CRLS1: variants seen among roughly 807,000 people sequenced by gnomAD.
CRLS1 encodes cardiolipin synthase (CMP-forming).
A neutral mutation model predicts 37.0 loss-of-function variants in CRLS1; 24 were observed. That is an observed-to-expected ratio of 0.65 (90% CI 0.47 to 0.91). The LOEUF is 0.91. Ranked by LOEUF, CRLS1 falls within the 40% of genes least tolerant of loss-of-function variation. CRLS1 has a pLI of 0.00. For synonymous variants in CRLS1, 135 were observed against 159.7 expected (o/e 0.85, Z 1.17); for missense variants, 373 against 395.8 (o/e 0.94, Z 0.49).
upstream of CRLS1, chr20:6,006,103 T>C (rs2257015): frequency 0.99 from 390,237 of 395,724 alleles, 192,420 homozygotes; most frequent in East Asian, 1. Context: ...ATAAGTGGAG[T>C]GTGCTGGGGT....
At chr20:6,033,485 C>A (rs530265825) in intron 5 of CRLS1, among the ~76,000 whole-genome samples, 20 of 152,170 alleles carry the variant, frequency 1.3e-4, no homozygotes, top group African/African-American at 4.6e-4. Context: ...GGCTGCAGAA[C>A]GGGTGATAGA....
chr20:6,037,054 TTTC>T lies in CRLS1; in HGVS notation c.822-17_822-15del. ...TTTTAGACTTGACAACTACATTTTA[TTTC>T]TTTTCTTCCATAAAAGGTGTTTTAC... On this transcript the variant is annotated splice_polypyrimidine_tract_variant and intron_variant, in intron 6 of 6. Transcript: ENST00000378863. 1 of 1,578,874 alleles carries T rather than the reference TTTC, an allele frequency of 6.3e-7. No individual in the cohort carries two copies. The highest frequency in any genetic ancestry group is 8.7e-7 in the Non-Finnish European group (1 of 1,150,866).
intron 3 of CRLS1, among the ~76,000 whole-genome samples, chr20:6,029,533 AT>A (rs768902979): frequency 2.0e-5 from 3 of 151,848 alleles, no homozygotes; most frequent in Non-Finnish European, 4.4e-5. Flanking sequence ...CTAATTTTGT[AT>A]TTTTAGTAGA....
intron 3 of CRLS1, among the ~76,000 whole-genome samples, chr20:6,016,265 ATTGACAC>A (rs1978743518): frequency 6.6e-6 from 1 of 152,180 alleles, no homozygotes; most frequent in Non-Finnish European, 1.5e-5. Flanking sequence ...TCATGTTATT[ATTGACAC>A]TTGGTAGAAA....
chr20:6,034,286 C>G (rs772670785), intron 5 of CRLS1, among the ~76,000 whole-genome samples, 178 bp from the exon 6 acceptor site: 1 of 152,026 alleles, frequency 6.6e-6, no homozygotes, highest in Admixed American at 6.5e-5. Context: ...TGAAGCTGAC[C>G]CTTTTGTGTG....
chr20:6,012,533 C>T (rs2122929222), intron 2 of CRLS1, among the ~76,000 whole-genome samples: 1 of 151,950 alleles, frequency 6.6e-6, no homozygotes, highest in East Asian at 1.9e-4. Flanking sequence ...TAGGGACTTA[C>T]TTTAAAAAAA....
chr20:6,009,322 CAAAAAAAAAAA>C (rs60724010), intron 1 of CRLS1, among the ~76,000 whole-genome samples: 93,255 of 138,044 alleles, frequency 0.68, 29,146 homozygotes, highest in Middle Eastern at 0.83. Flanking sequence ...GACTCCATCT[CAAAAAAAAAAA>C]AAAAAAAAGA....
At chr20:6,011,562 T>C (rs1361089462) in intron 2 of CRLS1, among the ~76,000 whole-genome samples, 1 of 147,208 alleles carries the variant, frequency 6.8e-6, no homozygotes, top group African/African-American at 2.5e-5. Flanking sequence ...CTCCTTTTCT[T>C]TTGTCCCTGC....
chr20:6,037,008 A>T, intron 6 of CRLS1, 66 bp from the exon 7 acceptor site: 2 of 1,110,024 alleles, frequency 1.8e-6, no homozygotes, highest in East Asian at 4.8e-5. Context: ...TGTATTCATT[A>T]TGATTCCCGT....
Position 6,036,292 on chromosome 20 carries a change from G to A in CRLS1, c.822-782G>A, listed in dbSNP as rs761152442. 4.5e-4 allele frequency among the ~76,000 whole-genome samples: 68 copies of A among 152,178 alleles called. 1 individual carries two copies. The highest frequency in any genetic ancestry group is 6.9e-4 in the Non-Finnish European group (47 of 68,044). On this transcript the variant is annotated intron_variant, in intron 6 of 6. Transcript: ENST00000378863. Reference sequence around the variant, plus strand: ...TAACACATATATTTCATTGGTTTATGTATGAATTTAGAATATCAAAGTGGC... The same window carrying A: ...TAACACATATATTTCATTGGTTTATATATGAATTTAGAATATCAAAGTGGC...
At chr20:6,019,138 G>T (rs1190912867) in intron 3 of CRLS1, among the ~76,000 whole-genome samples, 1 of 152,172 alleles carries the variant, frequency 6.6e-6, no homozygotes, top group South Asian at 2.1e-4. Flanking sequence ...ATCTGTTAAA[G>T]CCGTTGAGGC....
chr20:6,009,493 C>G (rs1336501734), intron 1 of CRLS1, among the ~76,000 whole-genome samples: 1 of 151,944 alleles, frequency 6.6e-6, no homozygotes, highest in Non-Finnish European at 1.5e-5. Context: ...TCTCTAATTC[C>G]TGGGCTTAAG....
rs1327861152 is a variant in CRLS1 at position 6,015,444 on chromosome 20, T to C, written c.528T>C (p.Leu176=). Residue 176 remains leucine (L), a synonymous_variant, in exon 3 of 7, where the codon CTT becomes CTC. Coordinates refer to ENST00000378863, the MANE Select transcript of CRLS1 (RefSeq NM_019095.6). ...TTGATCCACTTGCTGATAAAATACT[T>C]ATCAGTATCTTATATGTTAGCTTGA... is the stretch of plus-strand genomic sequence containing the variant. ...SALDPLADKI[L]ISILYVSLTY... The C allele has an allele frequency of 2.2e-5, 35 of 1,610,222 alleles. No homozygotes were observed. The highest frequency in any genetic ancestry group is 6.7e-5 in the East Asian group (3 of 44,824).
chr20:6,008,908 T>C (rs1282755714), intron 1 of CRLS1, among the ~76,000 whole-genome samples: 1 of 152,222 alleles, frequency 6.6e-6, no homozygotes, highest in African/African-American at 2.4e-5. Context: ...TACAAGATCT[T>C]CCTGAAGTTT....
At chr20:6,026,440 A>G (rs1469558412) in intron 3 of CRLS1, among the ~76,000 whole-genome samples, 2 of 151,962 alleles carry the variant, frequency 1.3e-5, no homozygotes, top group African/African-American at 4.8e-5. Flanking sequence ...AATTCGTGCA[A>G]CTCACTTTAC....
Position 6,019,547 on chromosome 20 carries a change from G to A in CRLS1, c.574+4057G>A, listed in dbSNP as rs900749094. Among the ~76,000 whole-genome samples the A allele has an allele frequency of 5.1e-5, 7 of 136,346 alleles. No homozygotes were observed. In the East Asian group the frequency reaches 6.2e-4, roughly 12 times the overall value. The allele number at this position is 136,346 out of a possible 152,430, so 89.4% of individuals were successfully genotyped here. On this transcript the variant is annotated intron_variant, in intron 3 of 6. Coordinates refer to ENST00000378863, the MANE Select transcript of CRLS1 (RefSeq NM_019095.6). Reference sequence around the variant, plus strand: ...TTTTTTTTTCATCTTTTTTGCCAGAGGTTTGTCAGTTTTATGAATCTTTTG... The same window carrying A: ...TTTTTTTTTCATCTTTTTTGCCAGAAGTTTGTCAGTTTTATGAATCTTTTG...
At chr20:6,016,185 A>AG (rs150528227) in intron 3 of CRLS1, 13,174 of 152,128 alleles carry the variant, frequency 0.087, 806 homozygotes, top group Middle Eastern at 0.21. Flanking sequence ...GTTTAGGAAA[A>AG]GGGAAAAAAA....
intron 4 of CRLS1, 94 bp from the exon 5 acceptor site, chr20:6,031,918 G>T: frequency 1.2e-6 from 1 of 865,496 alleles, no homozygotes; most frequent in Non-Finnish European, 1.9e-6. Context: ...AAGTTATGTT[G>T]TTACCTAAGT....
chr20:6,018,308 C>T (rs1408059848), intron 3 of CRLS1, among the ~76,000 whole-genome samples: 4 of 150,982 alleles, frequency 2.6e-5, no homozygotes, highest in South Asian at 2.1e-4. Flanking sequence ...TTATGTCTAG[C>T]GAAACTTGCT....
Sources: gnomAD v4.1 joint callset for allele counts (sites outside exome capture counted in the v4.1 genomes callset) on GRCh38, gnomAD v4.1.1 for gene constraint, MANE v1.5 for transcripts, NCBI Gene and HGNC (gene_info 2026-07-23, HGNC 2026-07-21) for gene names.